The following DOCK7 variants were observed in gnomAD, a reference collection of about 807,000 sequenced individuals.
The protein encoded by DOCK7 is dedicator of cytokinesis protein 7.
DOCK7 carries 138 observed loss-of-function variants against 271.0 expected under a neutral mutation model. The ratio of observed to expected loss-of-function variants is 0.51; its 90% CI spans 0.44 to 0.59. DOCK7 has a LOEUF of 0.59. Among genes scored for constraint, DOCK7 ranks in the 20% least tolerant of loss-of-function variants. DOCK7 has a pLI of 0.00. For synonymous variants in DOCK7, 823 were observed against 876.1 expected, an observed-to-expected ratio of 0.94 and a Z score of 1.07; for missense variants, 2,066 against 2,592.4, an observed-to-expected ratio of 0.80 and a Z score of 4.41.
At chr1:62,579,695 G>GAAAAAAAAAAAAAAAAAAAAA (rs34924913) in intron 16 of DOCK7, among the ~76,000 whole-genome samples, 1 of 63,888 alleles carries the variant, frequency 1.6e-5, no homozygotes, top group Non-Finnish European at 2.9e-5. Flanking sequence ...GAGTGAGACC[G>GAAAAAAAAAAAAAAAAAAAAA]AAAAAAAAAA....
chr1:62,591,504 AG>A (rs1648445625), intron 14 of DOCK7, among the ~76,000 whole-genome samples: 1 of 152,194 alleles, frequency 6.6e-6, no homozygotes, highest in Admixed American at 6.5e-5. Flanking sequence ...GTTTAAAAAA[AG>A]TATTAATCTA....
chr1:62,586,275 A>G (rs182244683), intron 15 of DOCK7, among the ~76,000 whole-genome samples: 213 of 152,308 alleles, frequency 1.4e-3, no homozygotes, highest in Non-Finnish European at 1.8e-3. Context: ...CCTCTGGATT[A>G]CAAGTCTTAT....
chr1:62,578,171 T>C, intron 17 of DOCK7, among the ~76,000 whole-genome samples: 1 of 152,108 alleles, frequency 6.6e-6, no homozygotes. Context: ...TTTAATTTAT[T>C]CTCCAATAGT....
intron 24 of DOCK7, 92 bp from the exon 25 acceptor site, chr1:62,542,795 G>A (rs1218316047): frequency 3.6e-5 from 45 of 1,237,828 alleles, no homozygotes; most frequent in Non-Finnish European, 4.4e-5. Context: ...AAGATATAAT[G>A]AGAATAAGCA....
rs376790766 is a variant in DOCK7 at position 62,535,484 on chromosome 1, T to C, written c.3611+9A>G. 56 of 1,611,012 alleles carry C rather than the reference T, an allele frequency of 3.5e-5. No individual in the cohort carries two copies. The highest frequency in any genetic ancestry group is 1.6e-4 in the African/African-American group (12 of 74,820). On this transcript the variant is annotated intron_variant, in intron 29 of 49. Transcript: ENST00000635253. ...TCATATTCTACAAGGTAAAAACTAGTGTACTCACCCTTCAGCATCAGGGTC... is the reference window on the plus strand; with the variant it reads ...TCATATTCTACAAGGTAAAAACTAGCGTACTCACCCTTCAGCATCAGGGTC...
chr1:62,459,433 G>A (rs1645446798), intron 48 of DOCK7, among the ~76,000 whole-genome samples: 1 of 151,918 alleles, frequency 6.6e-6, no homozygotes, highest in Non-Finnish European at 1.5e-5. Flanking sequence ...TAGACATGGA[G>A]TTTCTCCATG....
At chr1:62,654,832 A>G (rs1299557642) in intron 2 of DOCK7, among the ~76,000 whole-genome samples, 2 of 152,202 alleles carry the variant, frequency 1.3e-5, no homozygotes, top group East Asian at 1.9e-4. Context: ...AAATTTGTAT[A>G]AAGATGAAAA....
intron 29 of DOCK7, among the ~76,000 whole-genome samples, chr1:62,532,160 G>A (rs926643642): frequency 8.6e-5 from 13 of 151,976 alleles, no homozygotes; most frequent in African/African-American, 1.5e-4. Flanking sequence ...TCAGCCTCCC[G>A]AGTAGCTGGG....
chr1:62,479,130 T>C (rs1571230834), intron 43 of DOCK7: 1 of 152,304 alleles, frequency 6.6e-6, no homozygotes. Context: ...AGTAAATACC[T>C]CTGAATTCTC....
At chr1:62,636,480 A>G in intron 8 of DOCK7, 57 bp downstream of exon 8, 10 of 1,325,380 alleles carry the variant, frequency 7.5e-6, no homozygotes, top group Non-Finnish European at 1.1e-5. Context: ...TAAAACAAAC[A>G]GGTTTCTGAA....
At chr1:62,661,505 A>G (rs1054610512) in intron 2 of DOCK7, among the ~76,000 whole-genome samples, 1 of 151,930 alleles carries the variant, frequency 6.6e-6, no homozygotes, top group African/African-American at 2.4e-5. Flanking sequence ...TACATATATA[A>G]ATATTTTTTT....
At chr1:62,676,364 G>A (rs911369387) in intron 1 of DOCK7, among the ~76,000 whole-genome samples, 1 of 152,186 alleles carries the variant, frequency 6.6e-6, no homozygotes, top group African/African-American at 2.4e-5. Context: ...TATGCCCAGG[G>A]CTTGGGGTCA....
At chr1:62,456,790 G>A (rs1212074967) in intron 49 of DOCK7, among the ~76,000 whole-genome samples, 1 of 152,064 alleles carries the variant, frequency 6.6e-6, no homozygotes, top group African/African-American at 2.4e-5. Flanking sequence ...GTGGGTATAA[G>A]ACTGGGAGAG....
At chr1:62,646,890 T>C (rs866216979) in intron 7 of DOCK7, among the ~76,000 whole-genome samples, 1 of 152,326 alleles carries the variant, frequency 6.6e-6, no homozygotes, top group Middle Eastern at 3.4e-3. Context: ...TTTTATGATA[T>C]ATAAATTAGA....
At chr1:62,526,061 C>T (rs560239452) in intron 31 of DOCK7, among the ~76,000 whole-genome samples, 1 of 152,242 alleles carries the variant, frequency 6.6e-6, no homozygotes, top group African/African-American at 2.4e-5. Flanking sequence ...CTTAGCTTCC[C>T]AGGTAGCTGG....
intron 48 of DOCK7, among the ~76,000 whole-genome samples, chr1:62,473,198 T>A (rs1283506747): frequency 6.6e-6 from 1 of 152,136 alleles, no homozygotes; most frequent in East Asian, 1.9e-4. Flanking sequence ...GAGGTAGATA[T>A]CATTATCTTT....
At chr1:62,667,996 G>A (rs910217298) in intron 1 of DOCK7, among the ~76,000 whole-genome samples, 1 of 151,844 alleles carries the variant, frequency 6.6e-6, no homozygotes, top group African/African-American at 2.4e-5. Context: ...CTCCAGCCTG[G>A]GCAACAGAGC....
At position 62,634,889 on chromosome 1, in the gene DOCK7, C is replaced by T. The variant is rs1314938203; in HGVS notation, c.919G>A (p.Glu307Lys). ...GGACGTAACAACCCTTTCATCTGCT[C>T]AGAATTAAGGTCAAAATAAAAGTTT... ...SENFYFDLNS[E>K]QMKGLLRPHV... is the part of the protein sequence containing the mutation. Residue 307 changes from glutamate to lysine, a missense_variant, in exon 9 of 50, where the codon GAG becomes AAG. Around this residue, in one of 2 missense-constraint regions of DOCK7, gnomAD observed 1,414 missense variants for 1,670.4 expected, o/e 0.85. Coordinates refer to ENST00000635253, the MANE Select transcript of DOCK7 (RefSeq NM_001367561.1). 4 of 1,609,722 alleles carry T rather than the reference C, an allele frequency of 2.5e-6. No homozygotes were observed. The highest frequency in any genetic ancestry group is 3.4e-6 in the Non-Finnish European group (4 of 1,177,284).
At chr1:62,487,326 G>C in intron 43 of DOCK7, 72 bp downstream of exon 43, 1 of 1,480,208 alleles carries the variant, frequency 6.8e-7, no homozygotes, top group Non-Finnish European at 9.4e-7. Flanking sequence ...GCACATGTGG[G>C]CAAAGCATTG....
Sources: gnomAD v4.1 joint callset for allele counts (sites outside exome capture counted in the v4.1 genomes callset) on GRCh38, gnomAD v4.1.1 for gene constraint, gnomAD v4.1.1 regional missense constraint, MANE v1.5 for transcripts, NCBI Gene and HGNC (gene_info 2026-07-23, HGNC 2026-07-21) for gene names.